MDGA2: variants seen among roughly 807,000 people sequenced by gnomAD.
MDGA2 encodes the protein MAM domain-containing glycosylphosphatidylinositol anchor protein 2.
In MDGA2, 40 loss-of-function variants were observed where a neutral mutation model predicts 117.8. That is an observed-to-expected ratio of 0.34 (90% CI 0.26 to 0.44). The LOEUF is 0.44. MDGA2 is among the 20% of genes least tolerant of loss of function. The pLI is 1.00. For synonymous variants in MDGA2, 452 were observed against 439.0 expected, an observed-to-expected ratio of 1.03 and a Z score of -0.37; for missense variants, 1,123 against 1,250.6, an observed-to-expected ratio of 0.90 and a Z score of 1.54.
chr14:47,007,440 C>T (rs370708815), intron 8 of MDGA2, among the ~76,000 whole-genome samples: 2 of 151,552 alleles, frequency 1.3e-5, no homozygotes, highest in Non-Finnish European at 3.0e-5. Context: ...GTAACAAGAA[C>T]GAGTCTGATT....
At chr14:46,872,068 C>G (rs1882026245) in intron 14 of MDGA2, 1 of 155,672 alleles carries the variant, frequency 6.4e-6, no homozygotes. Context: ...CTAGTTAATA[C>G]TGTTGGGTAT....
chr14:47,158,861 C>A (rs939591136), intron 3 of MDGA2, among the ~76,000 whole-genome samples: 8 of 152,104 alleles, frequency 5.3e-5, no homozygotes, highest in African/African-American at 1.9e-4. Flanking sequence ...TTATTCAGTG[C>A]TGAAAAGAAG....
intron 10 of MDGA2, among the ~76,000 whole-genome samples, chr14:46,896,388 C>A (rs1566512915): frequency 1.3e-5 from 2 of 152,222 alleles, no homozygotes; most frequent in East Asian, 3.9e-4. Context: ...ACTTACTACA[C>A]TTTGGATTTA....
At chr14:47,541,205 G>A (rs1300635412) in intron 1 of MDGA2, among the ~76,000 whole-genome samples, 1 of 152,162 alleles carries the variant, frequency 6.6e-6, no homozygotes, top group Non-Finnish European at 1.5e-5. Context: ...ATAGGAATAA[G>A]AATCATGTAT....
At chr14:47,445,576 A>G (rs1893104499) in intron 1 of MDGA2, among the ~76,000 whole-genome samples, 1 of 152,102 alleles carries the variant, frequency 6.6e-6, no homozygotes, top group Non-Finnish European at 1.5e-5. Context: ...CTTTGTTATT[A>G]GGTGACAAGG....
intron 1 of MDGA2, among the ~76,000 whole-genome samples, chr14:47,401,620 T>G (rs943085437): frequency 1.3e-5 from 2 of 152,240 alleles, no homozygotes; most frequent in Non-Finnish European, 2.9e-5. Flanking sequence ...TGTTTGGTAC[T>G]AAGCTACCTG....
Position 47,201,092 on chromosome 14 carries a change from G to A in MDGA2, c.595+16929C>T, listed in dbSNP as rs757159386. ...CCTCGACCATCAAGCACCAAGACCT[G>A]CACCTCCGCCATCTTCGGCAGCAGC... On this transcript the variant is annotated intron_variant, in intron 3 of 16. Coordinates refer to ENST00000399232, the MANE Select transcript of MDGA2 (RefSeq NM_001113498.3). 321 of 894,168 alleles carry A rather than the reference G, an allele frequency of 3.6e-4. 1 individual carries two copies. The highest frequency in any genetic ancestry group is 4.5e-4 in the Non-Finnish European group (239 of 525,598). The allele number at this position is 894,168 out of a possible 1,614,324, so 55.4% of individuals were successfully genotyped here. A position where few individuals can be genotyped will look rare whatever the true frequency, so the allele number is the denominator to read the frequency against.
intron 9 of MDGA2, among the ~76,000 whole-genome samples, chr14:46,955,772 C>T (rs1885541974): frequency 8.3e-6 from 1 of 120,626 alleles, no homozygotes; most frequent in African/African-American, 4.4e-5. Flanking sequence ...GATGACTATA[C>T]AAAATTCATG....
chr14:47,275,066 A>G (rs1258674490), intron 2 of MDGA2, among the ~76,000 whole-genome samples: 3 of 152,042 alleles, frequency 2.0e-5, no homozygotes, highest in Admixed American at 2.0e-4. Flanking sequence ...TCTAATTTTG[A>G]TTTAGTACAA....
chr14:46,984,375 T>A (rs1188111653), intron 8 of MDGA2, among the ~76,000 whole-genome samples: 2 of 152,036 alleles, frequency 1.3e-5, no homozygotes, highest in African/African-American at 2.4e-5. Context: ...ATTGGAAATA[T>A]TATGAGTGTT....
chr14:47,614,669 C>A (rs1241156392), intron 1 of MDGA2, among the ~76,000 whole-genome samples: 1 of 152,154 alleles, frequency 6.6e-6, no homozygotes, highest in African/African-American at 2.4e-5. Flanking sequence ...GGACAAAGAT[C>A]TAAATCGCTA....
chr14:46,972,115 G>A (rs1437307614), intron 8 of MDGA2, among the ~76,000 whole-genome samples: 1 of 152,042 alleles, frequency 6.6e-6, no homozygotes, highest in African/African-American at 2.4e-5. Flanking sequence ...TGGCAAACAG[G>A]GATTTGTAAC....
intron 2 of MDGA2, among the ~76,000 whole-genome samples, chr14:47,279,982 C>T (rs1045591696): frequency 6.6e-6 from 1 of 151,928 alleles, no homozygotes; most frequent in African/African-American, 2.4e-5. Flanking sequence ...GAGATCCTGC[C>T]TCAGCCTCCT....
intron 1 of MDGA2, among the ~76,000 whole-genome samples, chr14:47,640,961 C>T (rs1025752406): frequency 2.6e-5 from 4 of 151,942 alleles, no homozygotes; most frequent in African/African-American, 9.7e-5. Context: ...TACGTATCAA[C>T]CATTTCCCGA....
intron 3 of MDGA2, among the ~76,000 whole-genome samples, chr14:47,182,405 G>T (rs1387478699): frequency 6.6e-6 from 1 of 152,100 alleles, no homozygotes; most frequent in East Asian, 1.9e-4. Flanking sequence ...AGGTCATAAA[G>T]GTGGGGTCTT....
intron 2 of MDGA2, among the ~76,000 whole-genome samples, chr14:47,260,993 T>G (rs996089588): frequency 6.6e-6 from 1 of 152,066 alleles, no homozygotes; most frequent in Non-Finnish European, 1.5e-5. Flanking sequence ...TCTAGCCCAC[T>G]GAGTTAATAA....
rs951099504 is a variant in MDGA2 at position 47,562,601 on chromosome 14, C to T, written c.280+111916G>A. Among the ~76,000 whole-genome samples the T allele has an allele frequency of 5.9e-5, 9 of 151,910 alleles. No individual in the cohort carries two copies. The South Asian group carries it at 1.0e-3, about 18-fold the overall frequency. ...GTGGTAATGTCTCATGTTTTATTTC[C>T]GATTACGTTTAGTTGAATCTTTTTT... On this transcript the variant is annotated intron_variant, in intron 1 of 16. Transcript: ENST00000399232.
At chr14:47,004,259 G>C (rs969889090) in intron 8 of MDGA2, among the ~76,000 whole-genome samples, 1 of 151,736 alleles carries the variant, frequency 6.6e-6, no homozygotes, top group East Asian at 1.9e-4. Flanking sequence ...TTTGTATATA[G>C]ATCAATAGGT....
chr14:47,270,181 A>G (rs551532511), intron 2 of MDGA2, among the ~76,000 whole-genome samples: 15 of 152,142 alleles, frequency 9.9e-5, no homozygotes, highest in African/African-American at 3.6e-4. Context: ...TGTACCATGG[A>G]TTTTTCCATT....
Sources: allele counts gnomAD v4.1 joint callset (sites outside exome capture counted in the v4.1 genomes callset), GRCh38; gene constraint gnomAD v4.1.1; transcripts MANE v1.5; gene names NCBI Gene and HGNC (gene_info 2026-07-23, HGNC 2026-07-21).